REEP3: variants seen among roughly 807,000 people sequenced by gnomAD.
The protein encoded by REEP3 is receptor accessory protein 3.
REEP3 carries 20 observed loss-of-function variants against 41.3 expected under a neutral mutation model. The observed-to-expected ratio is 0.48, with a 90% confidence interval of 0.34 to 0.70. The LOEUF (loss-of-function observed/expected upper bound fraction) is 0.70, where lower values mean the gene tolerates loss of function less well. Ranked by LOEUF, REEP3 falls within the 30% of genes least tolerant of loss-of-function variation. The probability of loss-of-function intolerance (pLI) is 0.01; values close to 1 mark genes in which losing one functional copy is unlikely to be tolerated. For missense variants in REEP3, 271 were observed against 308.8 expected (o/e 0.88, Z 0.92); for synonymous variants, 104 against 101.8 (o/e 1.02, Z -0.13).
intron 6 of REEP3, among the ~76,000 whole-genome samples, chr10:63,616,706 T>C (rs1280900111): frequency 1.3e-5 from 2 of 152,186 alleles, no homozygotes; most frequent in East Asian, 3.8e-4. Context: ...AGAAATTGTT[T>C]ATCACAGTTA....
intron 1 of REEP3, among the ~76,000 whole-genome samples, chr10:63,549,397 A>G (rs113772416): frequency 0.047 from 7,088 of 152,258 alleles, 214 homozygotes; most frequent in Non-Finnish European, 0.069. Context: ...GTGAGACCCC[A>G]TCTTTACAAA....
At chr10:63,591,056 A>G (rs752477188) in intron 2 of REEP3, among the ~76,000 whole-genome samples, 4 of 151,240 alleles carry the variant, frequency 2.6e-5, no homozygotes, top group Non-Finnish European at 5.9e-5. Context: ...TTCTGTTATC[A>G]ATGTTTTTTG....
intron 2 of REEP3, among the ~76,000 whole-genome samples, chr10:63,572,228 G>C (rs1229245368): frequency 6.6e-6 from 1 of 151,120 alleles, no homozygotes; most frequent in Non-Finnish European, 1.5e-5. Flanking sequence ...ATTTCACTCT[G>C]ACAAAAATTT....
intron 1 of REEP3, among the ~76,000 whole-genome samples, chr10:63,544,704 A>T (rs989802250): frequency 3.9e-5 from 6 of 152,298 alleles, no homozygotes; most frequent in South Asian, 4.1e-4. Flanking sequence ...TAATTTGGAT[A>T]CTGGGTTTGC....
rs766534851 is a variant in REEP3, at chr10:63,610,230, A to G, written c.461A>G (p.His154Arg). 9 of 1,607,598 alleles carry G rather than the reference A, an allele frequency of 5.6e-6. No homozygotes were observed. Among genetic ancestry groups the G allele is most frequent in the Non-Finnish European group, 6.8e-6 (8 of 1,176,622 alleles). Residue 154 changes from histidine (H) to arginine (R), a missense_variant, in exon 6 of 8, where the codon CAT (histidine) becomes CGT (arginine). Physicochemically the swap from His to Arg is conservative, Grantham distance 29. Coordinates refer to ENST00000373758, the MANE Select transcript of REEP3 (RefSeq NM_001001330.3). ...ITERLRSFSMHDLTTIQGDEP... is the reference protein window; with the variant it reads ...ITERLRSFSMRDLTTIQGDEP... ...GAACGTTTAAGAAGCTTCAGTATGC[A>G]TGATTTAACAACTATCCAAGGTGAT... is the stretch of plus-strand genomic sequence containing the variant.
intron 2 of REEP3, among the ~76,000 whole-genome samples, chr10:63,576,687 G>C (rs553948021): frequency 1.3e-5 from 2 of 152,162 alleles, no homozygotes; most frequent in African/African-American, 4.8e-5. Flanking sequence ...TGAACAACAG[G>C]AATTATTTTT....
intron 2 of REEP3, among the ~76,000 whole-genome samples, chr10:63,578,325 C>T (rs1308078622): frequency 6.6e-6 from 1 of 152,094 alleles, no homozygotes; most frequent in Non-Finnish European, 1.5e-5. Context: ...GTCTCAAACT[C>T]CTGACCTCGT....
At chr10:63,608,394 T>G (rs1407485726) in intron 5 of REEP3, among the ~76,000 whole-genome samples, 1 of 152,212 alleles carries the variant, frequency 6.6e-6, no homozygotes, top group Non-Finnish European at 1.5e-5. Flanking sequence ...TGACATAATA[T>G]ATTATTAACC....
chr10:63,596,393 T>A (rs1956115527), intron 3 of REEP3, among the ~76,000 whole-genome samples: 1 of 149,982 alleles, frequency 6.7e-6, no homozygotes, highest in African/African-American at 2.5e-5. Context: ...GTAGCCTATA[T>A]ATGTTATTTA....
chr10:63,619,918 ATTTTTTT>A (rs71463534), intron 7 of REEP3, 118 bp downstream of exon 7: 7 of 249,992 alleles, frequency 2.8e-5, no homozygotes, highest in East Asian at 7.2e-5. Context: ...CAGCAGTTTG[ATTTTTTT>A]TTTTTTTTTT....
chr10:63,569,771 G>A (rs556625067), intron 2 of REEP3, among the ~76,000 whole-genome samples: 4 of 151,950 alleles, frequency 2.6e-5, no homozygotes, highest in Admixed American at 1.3e-4. Flanking sequence ...GTGAAACCCC[G>A]TCTCTACAAA....
Position 63,622,583 on chromosome 10 carries a change from C to A in REEP3, c.*1714C>A, listed in dbSNP as rs1956362090. On this transcript the variant is annotated 3_prime_UTR_variant, in exon 8 of 8. Coordinates refer to ENST00000373758, the MANE Select transcript of REEP3 (RefSeq NM_001001330.3). ...ATTTATATGACCTGGTACTAGACTT[C>A]TTAATATAACTGTTACACTGTCCTT... 6.6e-6 allele frequency: 1 copy of A among 151,818 alleles called. No individual in the cohort carries two copies. Among genetic ancestry groups the A allele is most frequent in the African/African-American group, 2.4e-5 (1 of 41,282 alleles). The allele number at this position is 151,818 out of a possible 1,614,324, so 9.4% of individuals were successfully genotyped here. A position where few individuals can be genotyped will look rare whatever the true frequency, so the allele number is the denominator to read the frequency against.
intron 2 of REEP3, among the ~76,000 whole-genome samples, chr10:63,574,243 T>C (rs1318882487): frequency 2.0e-5 from 3 of 152,234 alleles, no homozygotes; most frequent in Non-Finnish European, 4.4e-5. Context: ...AATGCCACTA[T>C]ACACTTGCAT....
rs1955592740 is a variant in REEP3, at chr10:63,547,819, G to T, written c.33-18519G>T. Among the ~76,000 whole-genome samples the T allele has an allele frequency of 3.3e-5, 5 of 152,312 alleles. No homozygotes were observed. The South Asian group carries it at 1.0e-3, about 32-fold the overall frequency. ...TGCATAACCTCTTTATTAAGAGTTGGATGCCTCAGCCTTGCAGCTAAAACC... is the reference window on the plus strand; with the variant it reads ...TGCATAACCTCTTTATTAAGAGTTGTATGCCTCAGCCTTGCAGCTAAAACC... On this transcript the variant is annotated intron_variant, in intron 1 of 7. Transcript: ENST00000373758.
intron 1 of REEP3, among the ~76,000 whole-genome samples, chr10:63,554,623 C>G (rs1027350521): frequency 6.6e-6 from 1 of 152,112 alleles, no homozygotes. Flanking sequence ...TCTCTCTAAG[C>G]CTTACTTTTA....
intron 5 of REEP3, among the ~76,000 whole-genome samples, chr10:63,605,153 A>G (rs1956212644): frequency 6.6e-6 from 1 of 152,260 alleles, no homozygotes; most frequent in Admixed American, 6.5e-5. Context: ...AGAAAAAACT[A>G]AAAGAATATA....
intron 3 of REEP3, among the ~76,000 whole-genome samples, chr10:63,595,520 C>T (rs1956105688): frequency 6.6e-6 from 1 of 152,190 alleles, no homozygotes; most frequent in African/African-American, 2.4e-5. Flanking sequence ...CTGATATCTT[C>T]ATCTGCCCTT....
chr10:63,591,369 G>A (rs549118366), intron 2 of REEP3, among the ~76,000 whole-genome samples: 1 of 151,988 alleles, frequency 6.6e-6, no homozygotes, highest in East Asian at 1.9e-4. Flanking sequence ...ATTTTTGCCT[G>A]TATTCAACTA....
At chr10:63,579,008 A>G (rs1178991282) in intron 2 of REEP3, among the ~76,000 whole-genome samples, 1 of 143,030 alleles carries the variant, frequency 7.0e-6, no homozygotes. Flanking sequence ...ATAATCATCA[A>G]GTGTTTTATA....
Sources: gnomAD v4.1 joint callset for allele counts (sites outside exome capture counted in the v4.1 genomes callset) on GRCh38, gnomAD v4.1.1 for gene constraint, MANE v1.5 for transcripts, NCBI Gene and HGNC (gene_info 2026-07-23, HGNC 2026-07-21) for gene names.